Variants in STOX2 observed in about 807,000 individuals in gnomAD.
STOX2 encodes the protein storkhead box 2, also known as storkhead-box protein 2.
STOX2 carries 28 observed loss-of-function variants against 60.9 expected under a neutral mutation model. The ratio of observed to expected loss-of-function variants is 0.46; its 90% confidence interval spans 0.34 to 0.63. The LOEUF (loss-of-function observed/expected upper bound fraction) is 0.63. STOX2 is among the 30% of genes least tolerant of loss of function. The pLI is 0.01. For synonymous variants in STOX2, 472 were observed against 463.9 expected (o/e 1.02, Z -0.22); for missense variants, 1,024 against 1,187.7 (o/e 0.86, Z 2.03).
At chr4:183,864,237 A>T (rs577063275) in intron 1 of STOX2, among the ~76,000 whole-genome samples, 33 of 152,296 alleles carry the variant, frequency 2.2e-4, no homozygotes, top group Non-Finnish European at 4.3e-4. Context: ...GAGATAAAAC[A>T]GTTATTATTT....
chr4:183,994,004 T>C (rs1469113335), intron 1 of STOX2, among the ~76,000 whole-genome samples: 1 of 152,204 alleles, frequency 6.6e-6, no homozygotes, highest in Admixed American at 6.5e-5. Context: ...CCAAACAGCA[T>C]TAATACATAA....
chr4:183,998,619 G>A (rs926825130), intron 1 of STOX2, among the ~76,000 whole-genome samples: 16 of 152,140 alleles, frequency 1.1e-4, no homozygotes, highest in Non-Finnish European at 1.6e-4. Context: ...TCAGCTCACC[G>A]TAGCCTTGAC....
chr4:183,970,481 C>T (rs1279978044), intron 1 of STOX2, among the ~76,000 whole-genome samples: 1 of 152,134 alleles, frequency 6.6e-6, no homozygotes, highest in Non-Finnish European at 1.5e-5. Flanking sequence ...GAAGGAGCCC[C>T]TGGGACCCCA....
chr4:183,952,947 C>A (rs1434080982), intron 1 of STOX2, among the ~76,000 whole-genome samples: 1 of 152,006 alleles, frequency 6.6e-6, no homozygotes, highest in African/African-American at 2.4e-5. Flanking sequence ...AACAGAAAAC[C>A]AAACACCACA....
chr4:183,940,422 C>T (rs143096110), intron 1 of STOX2, among the ~76,000 whole-genome samples: 75 of 152,316 alleles, frequency 4.9e-4, no homozygotes, highest in African/African-American at 1.7e-3. Flanking sequence ...TAAATAAGCC[C>T]GGTTACTCCG....
intron 2 of STOX2, among the ~76,000 whole-genome samples, chr4:184,006,609 C>G (rs1733837650): frequency 7.1e-6 from 1 of 141,550 alleles, no homozygotes; most frequent in Admixed American, 7.5e-5. Flanking sequence ...ATCACCTGAG[C>G]CTGGGGAAGT....
intron 1 of STOX2, among the ~76,000 whole-genome samples, chr4:183,866,915 T>G (rs1445434988): frequency 6.6e-6 from 1 of 152,150 alleles, no homozygotes; most frequent in Non-Finnish European, 1.5e-5. Flanking sequence ...AAAAGAACAA[T>G]GTATTTTATT....
chr4:183,980,885 AC>A (rs931173545), intron 1 of STOX2, among the ~76,000 whole-genome samples: 5 of 152,240 alleles, frequency 3.3e-5, no homozygotes, highest in African/African-American at 9.6e-5. Flanking sequence ...AAGGAATGCA[AC>A]CCACAGAGAG....
intron 1 of STOX2, among the ~76,000 whole-genome samples, chr4:183,986,733 G>C (rs1732860747): frequency 6.6e-6 from 1 of 152,234 alleles, no homozygotes; most frequent in Non-Finnish European, 1.5e-5. Flanking sequence ...CACTGTGCAG[G>C]GGTGACAAGA....
chr4:184,016,351 A>T (rs2111260981), intron 3 of STOX2: 1 of 152,598 alleles, frequency 6.6e-6, no homozygotes, highest in African/African-American at 2.4e-5. Flanking sequence ...ACAGAGCAAG[A>T]CCTTGACTCC....
intron 1 of STOX2, among the ~76,000 whole-genome samples, chr4:183,857,553 A>G (rs1325496976): frequency 3.9e-5 from 6 of 152,140 alleles, no homozygotes; most frequent in Admixed American, 3.9e-4. Flanking sequence ...CAGCTTCTTA[A>G]TCTACTTATT....
intron 1 of STOX2, among the ~76,000 whole-genome samples, chr4:183,814,108 T>G (rs1424364229): frequency 6.6e-6 from 1 of 152,232 alleles, no homozygotes; most frequent in East Asian, 1.9e-4. Context: ...ACACAATTTT[T>G]AAGGAAGAAA....
At chr4:183,874,953 ATAT>A (rs1378411256) in intron 1 of STOX2, among the ~76,000 whole-genome samples, 59 of 24,592 alleles carry the variant, frequency 2.4e-3, no homozygotes, top group African/African-American at 3.0e-3. Flanking sequence ...AAAAAAAAAA[ATAT>A]ATATATATAT....
chr4:183,835,311 G>A (rs778640746), intron 1 of STOX2, among the ~76,000 whole-genome samples: 22 of 150,458 alleles, frequency 1.5e-4, no homozygotes, highest in Non-Finnish European at 2.2e-4. Context: ...TGCAAGCTCC[G>A]CCTCAAGGTT....
intron 1 of STOX2, among the ~76,000 whole-genome samples, chr4:183,934,728 A>G (rs1054626745): frequency 6.6e-6 from 1 of 152,166 alleles, no homozygotes; most frequent in Non-Finnish European, 1.5e-5. Context: ...CTGAAATATA[A>G]TTTATCTACA....
intron 1 of STOX2, among the ~76,000 whole-genome samples, chr4:183,883,518 G>A (rs7696644): frequency 0.14 from 21,543 of 151,872 alleles, 1,893 homozygotes; most frequent in African/African-American, 0.24. Flanking sequence ...TGGTTTCACC[G>A]TGTTAGCCAG....
chr4:183,851,900 A>G lies in STOX2; in HGVS notation c.364+53845A>G, dbSNP rs377552058. Among the ~76,000 whole-genome samples the G allele has an allele frequency of 9.6e-3, 243 of 25,322 alleles. 2 individuals are homozygous for G. Among genetic ancestry groups the G allele is most frequent in the African/African-American group, 0.012 (57 of 4,686 alleles). 16.6% of individuals were successfully genotyped at this position (25,322 alleles called of 152,430 possible). On this transcript the variant is annotated intron_variant, in intron 1 of 2. Transcript: ENST00000513034. The stretch of plus-strand genomic sequence containing the variant: ...GGGAAAGGATGAGGGAAAGGATGAG[A>G]GAAAGGATGAGGGAAAGGATGAGAG...
intron 1 of STOX2, among the ~76,000 whole-genome samples, chr4:183,967,578 G>A (rs115796893): frequency 0.034 from 5,218 of 152,054 alleles, 285 homozygotes; most frequent in African/African-American, 0.12. Context: ...CTCACACCTG[G>A]CAGTTGGATG....
At chr4:183,945,313 G>C (rs1742856982) in intron 1 of STOX2, among the ~76,000 whole-genome samples, 1 of 152,166 alleles carries the variant, frequency 6.6e-6, no homozygotes, top group African/African-American at 2.4e-5. Flanking sequence ...GGAAAAATCT[G>C]ATTTTAACAT....
Sources: allele counts gnomAD v4.1 joint callset (sites outside exome capture counted in the v4.1 genomes callset), GRCh38; gene constraint gnomAD v4.1.1; transcripts MANE v1.5; gene names NCBI Gene and HGNC (gene_info 2026-07-23, HGNC 2026-07-21).